IWS1: variants seen among roughly 807,000 people sequenced by gnomAD.
The protein encoded by IWS1 is protein IWS1 homolog.
IWS1 carries 27 observed loss-of-function variants against 86.7 expected under a neutral mutation model. The observed-to-expected ratio is 0.31, with a 90% CI of 0.23 to 0.43. IWS1 has a LOEUF of 0.43. Among genes scored for constraint, IWS1 ranks in the 20% least tolerant of loss-of-function variants. The pLI is 1.00. For missense variants in IWS1, 827 were observed against 1,000.8 expected (o/e 0.83, Z 2.34); for synonymous variants, 313 against 335.1 (o/e 0.93, Z 0.72).
chr2:127,526,157 C>T lies in IWS1; in HGVS notation c.34+18G>A. On this transcript the variant is annotated intron_variant, in intron 1 of 13. Coordinates refer to ENST00000295321, the MANE Select transcript of IWS1 (RefSeq NM_017969.3). ...ACTGCTCCGCCTCCCAGCCCGGTCC[C>T]CCAGGTCCCTGCCCCACCTGACTGG... The T allele has an allele frequency of 2.5e-6, 4 of 1,595,180 alleles. No homozygotes were observed. Among genetic ancestry groups the T allele is most frequent in the Non-Finnish European group, 3.4e-6 (4 of 1,170,980 alleles).
At chr2:127,482,837 C>T (rs576238137) in intron 13 of IWS1, 3 of 152,256 alleles carry the variant, frequency 2.0e-5, no homozygotes, top group African/African-American at 7.2e-5. Context: ...GGGAACGCTA[C>T]ACTTCCTTAG....
chr2:127,491,529 C>T lies in IWS1; in HGVS notation c.2047+442G>A, dbSNP rs185946623. ...CGCGATCTCGGCTCACTGCAACCTC[C>T]GCCTCCCGGGTTCAAGTGATTCTCC... On this transcript the variant is annotated intron_variant, in intron 10 of 13. Transcript: ENST00000295321. Among the ~76,000 whole-genome samples the T allele has an allele frequency of 1.0e-3, 157 of 152,268 alleles. 1 individual carries two copies. Among genetic ancestry groups the T allele is most frequent in the South Asian group, 6.8e-3 (33 of 4,824 alleles).
At chr2:127,487,756 T>C (rs759777723) in intron 12 of IWS1, among the ~76,000 whole-genome samples, 11 of 152,186 alleles carry the variant, frequency 7.2e-5, no homozygotes, top group Non-Finnish European at 1.6e-4. Flanking sequence ...TTCTCCATGT[T>C]AGCCAGGATG....
intron 2 of IWS1, among the ~76,000 whole-genome samples, chr2:127,509,254 T>TA (rs955191308): frequency 2.6e-5 from 4 of 151,958 alleles, no homozygotes; most frequent in Non-Finnish European, 5.9e-5. Flanking sequence ...ATTGCAAGCT[T>TA]AAAAAAAATC....
At position 127,489,042 on chromosome 2, in the gene IWS1, G is replaced by A; in HGVS notation, c.2216+137C>T. ...CCCAGAGTACCCAATACAATGCTTT[G>A]TAGATACTAAACGTTAAAATGAAAG... On this transcript the variant is annotated intron_variant, in intron 12 of 13. Transcript: ENST00000295321. This position sits in a 1 kb window ranked among gnomAD's most constrained non-coding sequence, Gnocchi z 4.8. 1.6e-6 allele frequency: 1 copy of A among 626,206 alleles called. No homozygotes were observed. The highest frequency in any genetic ancestry group is 3.0e-5 in the Admixed American group (1 of 33,250). The allele number at this position is 626,206 out of a possible 1,614,324, so 38.8% of individuals were successfully genotyped here.
At chr2:127,512,612 ACCACCCCTATCG>A (rs1691532145) in intron 2 of IWS1, among the ~76,000 whole-genome samples, 2 of 152,100 alleles carry the variant, frequency 1.3e-5, no homozygotes, top group Admixed American at 1.3e-4. Flanking sequence ...CAGAATTACC[ACCACCCCTATCG>A]CCACCCCTAA....
intron 2 of IWS1, among the ~76,000 whole-genome samples, chr2:127,519,005 C>T (rs1040039173): frequency 2.0e-5 from 3 of 152,166 alleles, no homozygotes; most frequent in African/African-American, 7.2e-5. Flanking sequence ...ACCAACACAG[C>T]ATTGTTACTG....
intron 2 of IWS1, among the ~76,000 whole-genome samples, chr2:127,506,968 C>T (rs1030383505): frequency 6.6e-6 from 1 of 152,110 alleles, no homozygotes; most frequent in Non-Finnish European, 1.5e-5. Context: ...AATAACATGG[C>T]AATAATATTC....
chr2:127,526,315 G>C lies in IWS1; in HGVS notation c.-107C>G. The C allele has an allele frequency of 6.5e-7, 1 of 1,540,596 alleles. No individual in the cohort carries two copies. Among genetic ancestry groups the C allele is most frequent in the South Asian group, 1.2e-5 (1 of 84,018 alleles). Reference sequence around the variant, plus strand: ...CGCGGCTAAGTGTTCAGAGACTGCCGCCCGACCGGAGAACTTAACGGGTGC... The same window carrying C: ...CGCGGCTAAGTGTTCAGAGACTGCCCCCCGACCGGAGAACTTAACGGGTGC... On this transcript the variant is annotated 5_prime_UTR_variant, in exon 1 of 14. Transcript: ENST00000295321.
At chr2:127,511,033 A>C (rs75649967) in intron 2 of IWS1, 2 of 152,226 alleles carry the variant, frequency 1.3e-5, no homozygotes, top group Non-Finnish European at 2.9e-5. Context: ...GTTCCAGCAG[A>C]GTGGAACCAC....
At chr2:127,510,945 C>A (rs1161243644) in intron 2 of IWS1, among the ~76,000 whole-genome samples, 1 of 152,166 alleles carries the variant, frequency 6.6e-6, no homozygotes, top group Non-Finnish European at 1.5e-5. Context: ...TTCAGTGTAT[C>A]TGGGAAAGGT....
intron 2 of IWS1, chr2:127,514,623 T>A (rs1221247921): frequency 1.3e-5 from 2 of 152,110 alleles, no homozygotes; most frequent in Non-Finnish European, 2.9e-5. Context: ...CACCACCACA[T>A]CCCCCTCGTC....
chr2:127,491,722 C>T (rs912046383), intron 10 of IWS1, among the ~76,000 whole-genome samples: 2 of 152,086 alleles, frequency 1.3e-5, no homozygotes, highest in Non-Finnish European at 2.9e-5. Context: ...GGATTACAGG[C>T]GTTAAGCCAC....
chr2:127,484,003 T>C (rs1212055018), intron 13 of IWS1, among the ~76,000 whole-genome samples: 1 of 152,124 alleles, frequency 6.6e-6, no homozygotes, highest in Non-Finnish European at 1.5e-5. Flanking sequence ...TGGAAATACA[T>C]TTAAAACCTC....
chr2:127,481,653 G>A (rs1306132730), intron 13 of IWS1, among the ~76,000 whole-genome samples: 1 of 152,206 alleles, frequency 6.6e-6, no homozygotes, highest in Non-Finnish European at 1.5e-5. Flanking sequence ...GATGATTAGT[G>A]AAGTAAACCC....
intron 2 of IWS1, among the ~76,000 whole-genome samples, chr2:127,506,098 T>C (rs1331065626): frequency 1.3e-5 from 2 of 152,196 alleles, no homozygotes; most frequent in East Asian, 1.9e-4. Flanking sequence ...AATATAACTC[T>C]AGGCTGGACA....
At chr2:127,481,449 G>A (rs536611552) in intron 13 of IWS1, among the ~76,000 whole-genome samples, 2 of 151,784 alleles carry the variant, frequency 1.3e-5, no homozygotes, top group South Asian at 2.1e-4. Context: ...GAAAGGGGGG[G>A]GGAAACTGAG....
At chr2:127,504,352 T>A (rs547983915) in intron 3 of IWS1, among the ~76,000 whole-genome samples, 3 of 152,252 alleles carry the variant, frequency 2.0e-5, no homozygotes, top group African/African-American at 4.8e-5. Flanking sequence ...TAACAATTAA[T>A]ACAGTTAGGG....
chr2:127,527,023 ACGT>A (rs1378650878), upstream of IWS1: 1 of 213,210 alleles, frequency 4.7e-6, no homozygotes, highest in Non-Finnish European at 9.9e-6. Flanking sequence ...TAAGAAGTAC[ACGT>A]CTTTGCTTCC....
Sources: allele counts gnomAD v4.1 joint callset (sites outside exome capture counted in the v4.1 genomes callset), GRCh38; gene constraint gnomAD v4.1.1; non-coding constraint Gnocchi (gnomAD v3.1); transcripts MANE v1.5; gene names NCBI Gene and HGNC (gene_info 2026-07-23, HGNC 2026-07-21).